The following PCDHA5 variants were observed in gnomAD, a reference collection of about 807,000 sequenced individuals.
PCDHA5 encodes protocadherin alpha 5.
Under a neutral mutation model 61.6 loss-of-function variants are expected in PCDHA5, and 43 were observed. The observed-to-expected ratio is 0.70, with a 90% CI of 0.55 to 0.90. The LOEUF (loss-of-function observed/expected upper bound fraction) is 0.90, where lower values mean the gene tolerates loss of function less well. Ranked by LOEUF, PCDHA5 falls within the 40% of genes least tolerant of loss-of-function variation. The pLI, the probability that PCDHA5 is intolerant of heterozygous loss-of-function variation, is 0.00. For missense variants in PCDHA5, 1,298 were observed against 1,222.7 expected, an observed-to-expected ratio of 1.06 and a Z score of -0.92; for synonymous variants, 627 against 543.9, an observed-to-expected ratio of 1.15 and a Z score of -2.13.
At chr5:140,968,394 G>A (rs782388354) in intron 1 of PCDHA5, 3 of 1,613,942 alleles carry the variant, frequency 1.9e-6, no homozygotes, top group Admixed American at 3.3e-5. Context: ...GAGAAGTTTC[G>A]GGAGTTCTTT....
chr5:141,011,894 TATC>T lies in PCDHA5; in HGVS notation c.*1958_*1960del, dbSNP rs1554263691. 6.5e-6 allele frequency: 1 copy of T among 153,306 alleles called. No individual in the cohort carries two copies. The highest frequency in any genetic ancestry group is 2.4e-5 in the African/African-American group (1 of 41,080). 9.5% of individuals were successfully genotyped at this position (153,306 alleles called of 1,614,324 possible). On this transcript the variant is annotated 3_prime_UTR_variant, in exon 4 of 4. Transcript: ENST00000529859. Reference sequence around the variant, plus strand: ...AATTTAGAAGTTTGATTAATTATATTATCTATTTAGGCATTAATATAAAAGAGG... The same window carrying T: ...AATTTAGAAGTTTGATTAATTATATTTATTTAGGCATTAATATAAAAGAGG...
chr5:140,837,632 CCTTT>C (rs140175664), intron 1 of PCDHA5, among the ~76,000 whole-genome samples: 9,222 of 151,164 alleles, frequency 0.061, 992 homozygotes, highest in African/African-American at 0.21. Context: ...TTCCTTCCTT[CCTTT>C]CTTTCTTTCT....
chr5:140,869,270 T>G (rs782020247), intron 1 of PCDHA5: 48 of 1,613,430 alleles, frequency 3.0e-5, no homozygotes, highest in Non-Finnish European at 4.0e-5. Context: ...GGGCTGGAGC[T>G]GGCGGAGCTG....
chr5:140,909,397 G>C (rs564100527), intron 1 of PCDHA5, among the ~76,000 whole-genome samples: 1 of 152,320 alleles, frequency 6.6e-6, no homozygotes, highest in East Asian at 1.9e-4. Flanking sequence ...TACAGCAGCT[G>C]CAATTGCAGT....
intron 1 of PCDHA5, chr5:140,865,753 A>T (rs894037976): frequency 2.6e-5 from 4 of 152,218 alleles, no homozygotes; most frequent in Admixed American, 1.3e-4. Flanking sequence ...CAGTGCCAGT[A>T]CATGGTGGAG....
chr5:140,851,773 T>C lies in PCDHA5; in HGVS notation c.2352+27646T>C. On this transcript the variant is annotated intron_variant, in intron 1 of 3. Transcript: ENST00000529859. ...TAACTTAAAACATTACCCTTATGAA[T>C]TTAGATGAGAATTCACTTGTTCTGT... 11 of 967,796 alleles carry C rather than the reference T, an allele frequency of 1.1e-5. 2 individuals carry two copies. The highest frequency in any genetic ancestry group is 1.4e-5 in the Non-Finnish European group (11 of 800,744). The allele number at this position is 967,796 out of a possible 1,614,324, so 60.0% of individuals were successfully genotyped here.
intron 1 of PCDHA5, chr5:140,863,011 C>A (rs782711409): frequency 1.8e-6 from 1 of 552,250 alleles, no homozygotes. Flanking sequence ...CCAGCTATGA[C>A]GCCTGGTTGT....
At chr5:140,856,574 T>C in intron 1 of PCDHA5, 1 of 1,597,714 alleles carries the variant, frequency 6.3e-7, no homozygotes, top group Non-Finnish European at 8.6e-7. Flanking sequence ...TCCAAATGAG[T>C]ATTTTGTTCT....
At chr5:140,982,607 G>T (rs868934947) in intron 3 of PCDHA5, 44 bp downstream of exon 3, 2 of 1,601,622 alleles carry the variant, frequency 1.2e-6, no homozygotes, top group South Asian at 1.1e-5. Flanking sequence ...TTTCTGGAAA[G>T]TGATCAGATG....
rs2150366293 is a variant in PCDHA5 at position 140,843,763 on chromosome 5, G to A, written c.2352+19636G>A. 5.2e-5 allele frequency: 78 copies of A among 1,492,498 alleles called. 4 individuals are homozygous for A. The Middle Eastern group carries it at 1.8e-3, about 34-fold the overall frequency. The allele number at this position is 1,492,498 out of a possible 1,614,324, so 92.5% of individuals were successfully genotyped here. A position where few individuals can be genotyped will look rare whatever the true frequency, so the allele number is the denominator to read the frequency against. Reference sequence around the variant, plus strand: ...CTCATAAATTCTATTTGTGGAAATTGTAGTTACTTTAAAAGTGTTTCAGAT... The same window carrying A: ...CTCATAAATTCTATTTGTGGAAATTATAGTTACTTTAAAAGTGTTTCAGAT... On this transcript the variant is annotated intron_variant, in intron 1 of 3. Coordinates refer to ENST00000529859, the MANE Select transcript of PCDHA5 (RefSeq NM_018908.3).
At chr5:140,901,235 T>A (rs1554189665) in intron 1 of PCDHA5, among the ~76,000 whole-genome samples, 1 of 152,174 alleles carries the variant, frequency 6.6e-6, no homozygotes, top group African/African-American at 2.4e-5. Context: ...TATATCCATT[T>A]TTTTCCTTTG....
Position 140,842,464 on chromosome 5 carries a change from C to T in PCDHA5, c.2352+18337C>T, listed in dbSNP as rs2150336696. On this transcript the variant is annotated intron_variant, in intron 1 of 3. Coordinates refer to ENST00000529859, the MANE Select transcript of PCDHA5 (RefSeq NM_018908.3). ...GCGTGAACGACCTCGATTCAGGTGC[C>T]AACGGGCAGGTGACCTGCTCCCTGA... 1.1e-4 allele frequency: 180 copies of T among 1,613,798 alleles called. 1 individual carries two copies. The highest frequency in any genetic ancestry group is 1.5e-4 in the Non-Finnish European group (172 of 1,179,758).
intron 1 of PCDHA5, chr5:140,854,286 T>C: frequency 3.8e-6 from 2 of 522,000 alleles, no homozygotes; most frequent in Non-Finnish European, 4.9e-6. Context: ...AGTTTAGTTT[T>C]TATTATTTTG....
At chr5:140,941,042 T>C (rs532611705) in intron 1 of PCDHA5, among the ~76,000 whole-genome samples, 11 of 152,310 alleles carry the variant, frequency 7.2e-5, no homozygotes, top group African/African-American at 2.2e-4. Context: ...TGGTGCCAAG[T>C]CAAATTCCCC....
At position 140,877,671 on chromosome 5, in the gene PCDHA5, G is replaced by T. The variant is rs138162923; in HGVS notation, c.2352+53544G>T. 2.5e-6 allele frequency: 4 copies of T among 1,613,620 alleles called. No individual in the cohort carries two copies. The South Asian group carries it at 3.3e-5, about 13-fold the overall frequency. On this transcript the variant is annotated intron_variant, in intron 1 of 3. Coordinates refer to ENST00000529859, the MANE Select transcript of PCDHA5 (RefSeq NM_018908.3). ...CGCCGCCCACCGTGAGCCGGTGCGC[G>T]CCGGGCAAGCCCACGCTGGTGTGCT...
intron 1 of PCDHA5, among the ~76,000 whole-genome samples, chr5:140,846,724 A>G (rs1780644299): frequency 6.7e-6 from 1 of 149,338 alleles, no homozygotes; most frequent in Admixed American, 6.7e-5. Context: ...AGTCTTCATT[A>G]AACATTAAAT....
Position 140,850,613 on chromosome 5 carries a change from G to A in PCDHA5, c.2352+26486G>A. 4.4e-6 allele frequency: 7 copies of A among 1,598,580 alleles called. 1 individual carries two copies. The highest frequency in any genetic ancestry group is 6.0e-6 in the Non-Finnish European group (7 of 1,167,886). ...TGTACCTGATCATCGCCATCTGCGC[G>A]GTGTCTAGCCTGTTGGTTCTCACGC... On this transcript the variant is annotated intron_variant, in intron 1 of 3. Coordinates refer to ENST00000529859, the MANE Select transcript of PCDHA5 (RefSeq NM_018908.3).
At chr5:140,841,796 G>A in intron 1 of PCDHA5, 2 of 1,613,920 alleles carry the variant, frequency 1.2e-6, no homozygotes, top group Non-Finnish European at 8.5e-7. Flanking sequence ...GGGCGCGTCC[G>A]ATGCAGATGT....
chr5:140,892,477 A>G (rs2063535340), intron 1 of PCDHA5, among the ~76,000 whole-genome samples: 1 of 152,220 alleles, frequency 6.6e-6, no homozygotes, highest in South Asian at 2.1e-4. Context: ...TCAGTTTCCT[A>G]GCCAAACATG....
Sources: gnomAD v4.1 joint callset for allele counts (sites outside exome capture counted in the v4.1 genomes callset) on GRCh38, gnomAD v4.1.1 for gene constraint, MANE v1.5 for transcripts, NCBI Gene and HGNC (gene_info 2026-07-23, HGNC 2026-07-21) for gene names.